The following PRXL2A variants were observed in gnomAD, a reference collection of about 807,000 sequenced individuals.
PRXL2A encodes the protein peroxiredoxin like 2A.
A neutral mutation model predicts 25.6 loss-of-function variants in PRXL2A; 26 were observed. The ratio of observed to expected loss-of-function variants is 1.02; its 90% CI spans 0.74 to 1.41. The LOEUF (loss-of-function observed/expected upper bound fraction) is 1.41, where lower values mean the gene tolerates loss of function less well. Ranked by LOEUF, PRXL2A falls within the 40% of genes most tolerant of loss-of-function variation. PRXL2A has a pLI of 0.00. For synonymous variants in PRXL2A, 98 were observed against 102.9 expected, an observed-to-expected ratio of 0.95 and a Z score of 0.29; for missense variants, 246 against 273.9, an observed-to-expected ratio of 0.90 and a Z score of 0.72.
intron 4 of PRXL2A, among the ~76,000 whole-genome samples, chr10:80,426,970 CTG>C (rs1359355876): frequency 3.9e-5 from 6 of 152,114 alleles, no homozygotes; most frequent in African/African-American, 1.4e-4. Context: ...GTGGTGAAAC[CTG>C]TCTCTACTAA....
At chr10:80,416,915 G>A (rs1203522308) in intron 1 of PRXL2A, among the ~76,000 whole-genome samples, 2 of 152,206 alleles carry the variant, frequency 1.3e-5, no homozygotes, top group Non-Finnish European at 2.9e-5. Context: ...TTCTTTCTCA[G>A]CACAGGTCCC....
intron 1 of PRXL2A, chr10:80,413,869 T>C: frequency 8.1e-7 from 1 of 1,240,086 alleles, no homozygotes; most frequent in South Asian, 1.4e-5. Flanking sequence ...GTGTGGACGC[T>C]GTGTATGGTG....
chr10:80,414,430 G>A (rs1039139612), intron 1 of PRXL2A, among the ~76,000 whole-genome samples: 2 of 152,184 alleles, frequency 1.3e-5, no homozygotes, highest in East Asian at 1.9e-4. Flanking sequence ...AACATCTGGT[G>A]TATGGTAAAT....
In PRXL2A at chr10:80,433,173, C is replaced by T. The variant is rs1022436716; in HGVS notation, c.*1074C>T. On this transcript the variant is annotated 3_prime_UTR_variant, in exon 6 of 6. Transcript: ENST00000606162. ...ACCAGGAAAAATTCATCCTGTCATTCACGTTAGTAATTTTGCTGTCTTTCC... is the reference window on the plus strand; with the variant it reads ...ACCAGGAAAAATTCATCCTGTCATTTACGTTAGTAATTTTGCTGTCTTTCC... 2.6e-5 allele frequency: 4 copies of T among 152,208 alleles called. No individual in the cohort carries two copies. Among genetic ancestry groups the T allele is most frequent in the Non-Finnish European group, 5.9e-5 (4 of 68,040 alleles). The allele number at this position is 152,208 out of a possible 1,614,324, so 9.4% of individuals were successfully genotyped here.
At position 80,427,412 on chromosome 10, in the gene PRXL2A, A is replaced by G. The variant is rs1845082513; in HGVS notation, c.492A>G (p.Arg164=). The change falls in exon 5 of 6, where the codon CGA becomes CGG. Residue 164 remains arginine (R), a synonymous_variant. Coordinates refer to ENST00000606162, the MANE Select transcript of PRXL2A (RefSeq NM_032333.5). ...IRLGVWYNFF[R]AWNGGFSGNL... is the part of the protein sequence containing the mutation. The stretch of plus-strand genomic sequence containing the variant: ...TGGGAGTGTGGTACAACTTCTTCCG[A>G]GCCTGGAACGGAGGCTTCTCTGGAA... The G allele has an allele frequency of 6.2e-7, 1 of 1,613,914 alleles. No individual in the cohort carries two copies. The highest frequency in any genetic ancestry group is 8.5e-7 in the Non-Finnish European group (1 of 1,180,012).
intron 1 of PRXL2A, chr10:80,420,029 C>T (rs919679589): frequency 1.0e-6 from 1 of 985,834 alleles, no homozygotes. Context: ...AGAAAGCTGC[C>T]CCTACCCAGG....
intron 1 of PRXL2A, chr10:80,419,977 A>C: frequency 1.0e-6 from 1 of 985,478 alleles, no homozygotes; most frequent in Non-Finnish European, 1.2e-6. Flanking sequence ...AGGGGAACAA[A>C]ACAGTGCGGT....
intron 1 of PRXL2A, among the ~76,000 whole-genome samples, chr10:80,415,985 C>A (rs141881710): frequency 3.1e-4 from 47 of 152,336 alleles, no homozygotes; most frequent in African/African-American, 1.0e-3. Flanking sequence ...CCCATCAAAT[C>A]TGTGATCAGA....
In PRXL2A at chr10:80,421,432, G is replaced by A. The variant is rs113035384; in HGVS notation, c.178+787G>A. ...GAGTGGTGAAGGTCTCATTGATGGCGTGGTCACCATGTTAGCCCCCCAGGT... is the reference window on the plus strand; with the variant it reads ...GAGTGGTGAAGGTCTCATTGATGGCATGGTCACCATGTTAGCCCCCCAGGT... On this transcript the variant is annotated intron_variant, in intron 2 of 5. Transcript: ENST00000606162. Among the ~76,000 whole-genome samples the A allele has an allele frequency of 7.8e-3, 1,191 of 152,262 alleles. 18 individuals carry two copies. The highest frequency in any genetic ancestry group is 0.027 in the African/African-American group (1,130 of 41,544).
chr10:80,409,251 A>G (rs1844396087), intron 1 of PRXL2A, among the ~76,000 whole-genome samples: 1 of 152,142 alleles, frequency 6.6e-6, no homozygotes, highest in South Asian at 2.1e-4. Flanking sequence ...AGCCCTGCTG[A>G]GGTCTAGGAA....
Position 80,427,435 on chromosome 10 carries a change from G to A in PRXL2A, c.515G>A (p.Gly172Glu). Reference sequence around the variant, plus strand: ...CGAGCCTGGAACGGAGGCTTCTCTGGAAACCTGGAAGGAGAAGGCTTCATC... The same window carrying A: ...CGAGCCTGGAACGGAGGCTTCTCTGAAAACCTGGAAGGAGAAGGCTTCATC... ...FFRAWNGGFS[G>E]NLEGEGFILG... is the part of the protein sequence containing the mutation. Residue 172 changes from glycine (G) to glutamate (E), a missense_variant, in exon 5 of 6, where the codon GGA becomes GAA. Physicochemically the swap from Gly to Glu is moderately conservative, Grantham distance 98. Transcript: ENST00000606162. 2 of 1,614,180 alleles carry A rather than the reference G, an allele frequency of 1.2e-6. No individual in the cohort carries two copies. Among genetic ancestry groups the A allele is most frequent in the Non-Finnish European group, 1.7e-6 (2 of 1,180,028 alleles).
At chr10:80,410,925 C>T (rs976447587) in intron 1 of PRXL2A, among the ~76,000 whole-genome samples, 30 of 152,314 alleles carry the variant, frequency 2.0e-4, no homozygotes, top group African/African-American at 6.0e-4. Flanking sequence ...CCCTGAGATA[C>T]GCCCAAGAGT....
chr10:80,432,091 A>G lies in PRXL2A; in HGVS notation c.682A>G (p.Lys228Glu), dbSNP rs753278261. 1.2e-5 allele frequency: 19 copies of G among 1,601,128 alleles called. No individual in the cohort carries two copies. In the African/African-American group the frequency reaches 2.4e-4, roughly 21 times the overall value. The change falls in exon 6 of 6, where the codon AAA (lysine) becomes GAA (glutamate). Residue 228 changes from lysine (K) to glutamate (E), a missense_variant. Physicochemically the swap from Lys to Glu is moderately conservative, Grantham distance 56. Transcript: ENST00000606162. ...CAAACCACAGACTTTGGCCTCAGAG[A>G]AAAAATGATTGTGTGAAACTGCCCA... ...MIKPQTLASE[K>E]K
chr10:80,414,634 C>CT (rs1426461917), intron 1 of PRXL2A, among the ~76,000 whole-genome samples: 1 of 152,204 alleles, frequency 6.6e-6, no homozygotes, highest in African/African-American at 2.4e-5. Context: ...GAAAGGTAGT[C>CT]TTTCAGGCTT....
rs763604633 is a variant in PRXL2A, at chr10:80,432,090, G to A, written c.681G>A (p.Glu227=). 1 of 1,601,766 alleles carries A rather than the reference G, an allele frequency of 6.2e-7. No individual in the cohort carries two copies. Among genetic ancestry groups the A allele is most frequent in the Non-Finnish European group, 8.5e-7 (1 of 1,174,160 alleles). The change falls in exon 6 of 6, where the codon GAG becomes GAA. Residue 227 remains glutamate, a synonymous_variant. Transcript: ENST00000606162. ...KMIKPQTLAS[E]KK ...TCAAACCACAGACTTTGGCCTCAGAGAAAAAATGATTGTGTGAAACTGCCC... is the reference window on the plus strand; with the variant it reads ...TCAAACCACAGACTTTGGCCTCAGAAAAAAAATGATTGTGTGAAACTGCCC...
intron 1 of PRXL2A, among the ~76,000 whole-genome samples, chr10:80,413,117 A>G (rs1415770412): frequency 6.6e-6 from 1 of 151,890 alleles, no homozygotes; most frequent in African/African-American, 2.4e-5. Flanking sequence ...TAAAATGTGA[A>G]CCCCTGTCCC....
chr10:80,429,997 A>C (rs1845192873), intron 5 of PRXL2A, among the ~76,000 whole-genome samples: 1 of 151,654 alleles, frequency 6.6e-6, no homozygotes, highest in Non-Finnish European at 1.5e-5. Flanking sequence ...TCCTAGGCGG[A>C]AGGTTAACTG....
rs1222080405 is a variant in PRXL2A, at chr10:80,435,114, T to TGA, written c.*3017_*3018dup. On this transcript the variant is annotated 3_prime_UTR_variant, in exon 6 of 6. Coordinates refer to ENST00000606162, the MANE Select transcript of PRXL2A (RefSeq NM_032333.5). ...CTGTAATCCCAGCTACTCGGGTGGCTGAGGCAGGAGAATCGCTTGAACCCA... is the reference window on the plus strand; with the variant it reads ...CTGTAATCCCAGCTACTCGGGTGGCTGAGAGGCAGGAGAATCGCTTGAACCCA... The TGA allele has an allele frequency of 2.6e-5, 4 of 152,304 alleles. No individual in the cohort carries two copies. Among genetic ancestry groups the TGA allele is most frequent in the South Asian group, 4.1e-4 (2 of 4,830 alleles). 9.4% of individuals were successfully genotyped at this position (152,304 alleles called of 1,614,324 possible).
intron 3 of PRXL2A, among the ~76,000 whole-genome samples, chr10:80,423,621 G>A (rs933198673): frequency 1.3e-5 from 2 of 152,110 alleles, no homozygotes; most frequent in Non-Finnish European, 2.9e-5. Context: ...CTACCCCCAG[G>A]GCACTGTGTG....
Sources: gnomAD v4.1 joint callset for allele counts (sites outside exome capture counted in the v4.1 genomes callset) on GRCh38, gnomAD v4.1.1 for gene constraint, MANE v1.5 for transcripts, NCBI Gene and HGNC (gene_info 2026-07-23, HGNC 2026-07-21) for gene names.